FAT3: variants seen among roughly 807,000 people sequenced by gnomAD.
The protein encoded by FAT3 is protocadherin Fat 3.
A neutral mutation model predicts 310.2 loss-of-function variants in FAT3; 95 were observed. The ratio of observed to expected loss-of-function variants is 0.31; its 90% CI spans 0.26 to 0.36. The LOEUF (loss-of-function observed/expected upper bound fraction) is 0.36, where lower values mean the gene tolerates loss of function less well. Ranked by LOEUF, FAT3 falls within the 10% of genes least tolerant of loss-of-function variation. The pLI, the probability that FAT3 is intolerant of heterozygous loss-of-function variation, is 1.00. For synonymous variants in FAT3, 2,314 were observed against 2,192.9 expected (o/e 1.06, Z -1.54); for missense variants, 5,408 against 5,715.6 (o/e 0.95, Z 1.74).
chr11:92,877,039 A>G (rs1282557686), intron 22 of FAT3, among the ~76,000 whole-genome samples: 1 of 152,200 alleles, frequency 6.6e-6, no homozygotes, highest in Non-Finnish European at 1.5e-5. Context: ...CTGCTATGGA[A>G]TTAAAGTTAT....
intron 2 of FAT3, among the ~76,000 whole-genome samples, chr11:92,383,132 T>A (rs1400880139): frequency 6.6e-6 from 1 of 152,200 alleles, no homozygotes; most frequent in Non-Finnish European, 1.5e-5. Flanking sequence ...GATAATGGCT[T>A]CTAACTCCAT....
rs796839811 is a variant in FAT3, at chr11:92,825,812, G to T, written c.9482-5810G>T. Among the ~76,000 whole-genome samples the T allele has an allele frequency of 3.9e-4, 59 of 152,204 alleles. 1 individual carries two copies. The highest frequency in any genetic ancestry group is 1.3e-3 in the African/African-American group (52 of 41,546). ...AGGACAGGGTATCAACTCTGCTGCA[G>T]TTTGCAATTAGGAGTCCCTTAAGGC... On this transcript the variant is annotated intron_variant, in intron 13 of 27. Coordinates refer to ENST00000525166, the MANE Select transcript of FAT3 (RefSeq NM_001367949.2).
chr11:92,316,257 C>T lies in FAT3; in HGVS notation c.-17-35839C>T, dbSNP rs756696154. 2.0e-5 allele frequency among the ~76,000 whole-genome samples: 3 copies of T among 151,942 alleles called. No homozygotes were observed. In the South Asian group the frequency reaches 6.2e-4, roughly 31 times the overall value. ...TGTAAAAAAGACACTCCACTTGAAGCGCAGTAAATACAGAAGGTTTCCTTT... is the reference window on the plus strand; with the variant it reads ...TGTAAAAAAGACACTCCACTTGAAGTGCAGTAAATACAGAAGGTTTCCTTT... On this transcript the variant is annotated intron_variant, in intron 1 of 27. Coordinates refer to ENST00000525166, the MANE Select transcript of FAT3 (RefSeq NM_001367949.2).
intron 3 of FAT3, among the ~76,000 whole-genome samples, chr11:92,662,590 C>A (rs944250045): frequency 6.6e-6 from 1 of 152,176 alleles, no homozygotes; most frequent in South Asian, 2.1e-4. Flanking sequence ...ACATAAACAT[C>A]AAAACCTCAC....
At position 92,560,926 on chromosome 11, in the gene FAT3, G is replaced by A. The variant is rs548294739; in HGVS notation, c.3607+35978G>A. 4.6e-5 allele frequency among the ~76,000 whole-genome samples: 7 copies of A among 152,264 alleles called. No homozygotes were observed. The South Asian group carries it at 1.5e-3, about 32-fold the overall frequency. ...TAAAAGTATTTCTGCAGAAATACCA[G>A]AGTATTTACTGCAAAAACTTTTCAT... On this transcript the variant is annotated intron_variant, in intron 3 of 27. Coordinates refer to ENST00000525166, the MANE Select transcript of FAT3 (RefSeq NM_001367949.2).
chr11:92,462,350 A>G (rs1176961054), intron 2 of FAT3, among the ~76,000 whole-genome samples: 1 of 152,022 alleles, frequency 6.6e-6, no homozygotes, highest in East Asian at 1.9e-4. Flanking sequence ...ATGTCCTGGT[A>G]TCTATCGTTC....
intron 4 of FAT3, among the ~76,000 whole-genome samples, chr11:92,705,433 GTGA>G (rs1338786379): frequency 2.5e-4 from 22 of 86,722 alleles, no homozygotes; most frequent in African/African-American, 6.4e-4. Flanking sequence ...GGTGGTGGTG[GTGA>G]TGGTGGTGGT....
intron 2 of FAT3, among the ~76,000 whole-genome samples, chr11:92,411,875 G>T (rs1233578096): frequency 6.6e-6 from 1 of 151,716 alleles, no homozygotes; most frequent in African/African-American, 2.4e-5. Context: ...TTTCAAGGAG[G>T]ATATTAAGTT....
intron 1 of FAT3, among the ~76,000 whole-genome samples, chr11:92,288,631 C>T (rs1194361324): frequency 2.6e-5 from 4 of 152,060 alleles, no homozygotes; most frequent in African/African-American, 9.7e-5. Context: ...TAATTCTTAT[C>T]AATCTGTTTA....
chr11:92,272,617 G>C (rs1027737767), intron 1 of FAT3, among the ~76,000 whole-genome samples: 1 of 152,050 alleles, frequency 6.6e-6, no homozygotes, highest in Admixed American at 6.6e-5. Context: ...AGGTTGAAGG[G>C]AGGATGGGAG....
intron 3 of FAT3, among the ~76,000 whole-genome samples, chr11:92,657,771 G>C (rs1209596800): frequency 6.6e-6 from 1 of 152,180 alleles, no homozygotes; most frequent in African/African-American, 2.4e-5. Context: ...TAAATTAGTA[G>C]AAACTGGATT....
intron 3 of FAT3, among the ~76,000 whole-genome samples, chr11:92,554,454 T>A: frequency 1.1e-5 from 1 of 89,690 alleles, no homozygotes; most frequent in Non-Finnish European, 1.9e-5. Context: ...AGAGTGAGAC[T>A]CCATCTCAAA....
At chr11:92,855,980 C>CTTTTTTTTTTTTTTTTTTTTTTTTTT (rs58995060) in intron 19 of FAT3, among the ~76,000 whole-genome samples, 1 of 129,240 alleles carries the variant, frequency 7.7e-6, no homozygotes, top group Non-Finnish European at 1.6e-5. Context: ...GGACAATATG[C>CTTTTTTTTTTTTTTTTTTTTTTTTTT]TTTTTTTTTT....
intron 4 of FAT3, among the ~76,000 whole-genome samples, chr11:92,720,593 C>T (rs1791571): frequency 0.31 from 47,429 of 151,978 alleles, 7,680 homozygotes; most frequent in Non-Finnish European, 0.33. Flanking sequence ...CCACATTGGA[C>T]GAAAGTGTGG....
At chr11:92,424,534 T>C (rs1420733131) in intron 2 of FAT3, among the ~76,000 whole-genome samples, 1 of 152,108 alleles carries the variant, frequency 6.6e-6, no homozygotes, top group Non-Finnish European at 1.5e-5. Context: ...GCTTTGATTC[T>C]TGGGAAGCTG....
intron 13 of FAT3, among the ~76,000 whole-genome samples, chr11:92,815,135 AT>A (rs1178521102): frequency 1.3e-5 from 2 of 152,178 alleles, no homozygotes; most frequent in Non-Finnish European, 1.5e-5. Flanking sequence ...GAAATAATGA[AT>A]TTGGAGTTTG....
intron 2 of FAT3, among the ~76,000 whole-genome samples, chr11:92,436,303 C>A (rs1392530247): frequency 1.3e-5 from 2 of 151,994 alleles, no homozygotes; most frequent in East Asian, 1.9e-4. Context: ...CCATGCCTGG[C>A]TAATTTTTAA....
chr11:92,836,733 A>C lies in FAT3; in HGVS notation c.10224+30A>C, dbSNP rs369847346. The C allele has an allele frequency of 1.9e-6, 3 of 1,600,758 alleles. No individual in the cohort carries two copies. In the African/African-American group the frequency reaches 4.0e-5, roughly 21 times the overall value. On this transcript the variant is annotated intron_variant, in intron 16 of 27. Transcript: ENST00000525166. Reference sequence around the variant, plus strand: ...GCTAGTTTAGGACAGTTTCCTTCCCATCCACATCCACCACTTTCCTAGAAT... The same window carrying C: ...GCTAGTTTAGGACAGTTTCCTTCCCCTCCACATCCACCACTTTCCTAGAAT...
At chr11:92,260,571 C>G (rs528941218) in intron 1 of FAT3, among the ~76,000 whole-genome samples, 26 of 152,134 alleles carry the variant, frequency 1.7e-4, no homozygotes, top group African/African-American at 6.0e-4. Flanking sequence ...GGTAAATGCA[C>G]CAGTGTAACA....
Sources: gnomAD v4.1 joint callset for allele counts (sites outside exome capture counted in the v4.1 genomes callset) on GRCh38, gnomAD v4.1.1 for gene constraint, MANE v1.5 for transcripts, NCBI Gene and HGNC (gene_info 2026-07-23, HGNC 2026-07-21) for gene names.